Variants in SAMTOR observed in about 807,000 individuals in gnomAD.
SAMTOR encodes UPF0532 protein C7orf60.
the SAMTOR span, among the ~76,000 whole-genome samples, chr7:112,831,218 A>G: frequency 1.3e-5 from 2 of 152,184 alleles, no homozygotes; most frequent in Non-Finnish European, 2.9e-5. Context: ...AGTTCTATCA[A>G]GAGTAAAATG....
At chr7:112,867,730 T>C in the SAMTOR span, among the ~76,000 whole-genome samples, 1 of 152,208 alleles carries the variant, frequency 6.6e-6, no homozygotes, top group Admixed American at 6.5e-5. Flanking sequence ...AAGAACTATA[T>C]TTAAATAAAA....
At chr7:112,931,613 T>A in the SAMTOR span, among the ~76,000 whole-genome samples, 4 of 152,218 alleles carry the variant, frequency 2.6e-5, no homozygotes, top group African/African-American at 9.6e-5. Flanking sequence ...AAAGGATTTA[T>A]GAACAGCCTT....
the SAMTOR span, among the ~76,000 whole-genome samples, chr7:112,899,246 A>G: frequency 2.0e-5 from 3 of 152,178 alleles, no homozygotes; most frequent in Non-Finnish European, 4.4e-5. Context: ...GATTAAAATA[A>G]TTTAAAGAAT....
the SAMTOR span, among the ~76,000 whole-genome samples, chr7:112,870,751 A>T: frequency 5.1e-5 from 6 of 117,168 alleles, no homozygotes; most frequent in South Asian, 5.8e-4. Context: ...AAATTGGATT[A>T]AAAAAAAAAA....
chr7:112,899,381 CAG>C, the SAMTOR span, among the ~76,000 whole-genome samples: 1 of 151,416 alleles, frequency 6.6e-6, no homozygotes, highest in Non-Finnish European at 1.5e-5. Context: ...AATACAGAAT[CAG>C]GGGAGAAAAA....
chr7:112,932,121 T>G, the SAMTOR span, among the ~76,000 whole-genome samples: 1 of 151,978 alleles, frequency 6.6e-6, no homozygotes, highest in Admixed American at 6.6e-5. Context: ...GAGACAGGGT[T>G]TCACCAAGTT....
chr7:112,881,539 A>G, the SAMTOR span, among the ~76,000 whole-genome samples: 1 of 152,200 alleles, frequency 6.6e-6, no homozygotes, highest in Admixed American at 6.5e-5. Context: ...CAGCTGCGGT[A>G]AGGAGCTACC....
the SAMTOR span, chr7:112,939,856 G>C: frequency 1.2e-6 from 1 of 863,318 alleles, no homozygotes; most frequent in South Asian, 1.7e-5. Flanking sequence ...AGCCAGAGGA[G>C]GCAGAGGAAC....
chr7:112,836,962 T>C, the SAMTOR span, among the ~76,000 whole-genome samples: 4 of 152,156 alleles, frequency 2.6e-5, no homozygotes, highest in Admixed American at 6.5e-5. Context: ...TAAACTAGTT[T>C]TTCTTAATTC....
At chr7:112,821,722 A>G in the SAMTOR span, 1 of 1,559,480 alleles carries the variant, frequency 6.4e-7, no homozygotes, top group Non-Finnish European at 8.6e-7. Flanking sequence ...GCCTGGACTG[A>G]AAGGGGCTTT....
At chr7:112,921,966 T>TCTCCCG in the SAMTOR span, among the ~76,000 whole-genome samples, 3,381 of 125,960 alleles carry the variant, frequency 0.027, 129 homozygotes, top group African/African-American at 0.11. Context: ...TCCCTCTCCC[T>TCTCCCG]CTCCCGCTCC....
At chr7:112,877,650 C>T in the SAMTOR span, among the ~76,000 whole-genome samples, 2 of 152,028 alleles carry the variant, frequency 1.3e-5, no homozygotes, top group Non-Finnish European at 2.9e-5. Context: ...GATATTTGTC[C>T]CCATTCAAAT....
the SAMTOR span, among the ~76,000 whole-genome samples, chr7:112,826,610 A>G: frequency 6.6e-6 from 1 of 151,982 alleles, no homozygotes; most frequent in Admixed American, 6.6e-5. Context: ...TATTTTTCTG[A>G]AAGTTTTCTA....
the SAMTOR span, among the ~76,000 whole-genome samples, chr7:112,892,897 G>A: frequency 7.2e-5 from 11 of 152,106 alleles, no homozygotes; most frequent in Admixed American, 5.2e-4. Context: ...ATATATATCA[G>A]AGCTCTTGGG....
chr7:112,920,746 G>A, the SAMTOR span, among the ~76,000 whole-genome samples: 1,580 of 150,000 alleles, frequency 0.011, 32 homozygotes, highest in African/African-American at 0.037. Flanking sequence ...AGCAACTTCC[G>A]CAAAGTCTCA....
the SAMTOR span, among the ~76,000 whole-genome samples, chr7:112,922,894 C>G: frequency 2.8e-5 from 4 of 141,576 alleles, no homozygotes; most frequent in South Asian, 4.7e-4. Flanking sequence ...GGTCAGCCCC[C>G]CCCCCCCGGG....
At chr7:112,865,556 G>C in the SAMTOR span, among the ~76,000 whole-genome samples, 2 of 150,414 alleles carry the variant, frequency 1.3e-5, no homozygotes, top group Non-Finnish European at 3.0e-5. Context: ...GATTGCAGGC[G>C]TGAGCCTCCA....
chr7:112,865,650 CAT>C, the SAMTOR span, among the ~76,000 whole-genome samples: 99 of 136,538 alleles, frequency 7.3e-4, 3 homozygotes, highest in South Asian at 9.4e-3. Flanking sequence ...TACATATATT[CAT>C]ATATATATTT....
At chr7:112,852,805 A>G in the SAMTOR span, among the ~76,000 whole-genome samples, 1 of 152,068 alleles carries the variant, frequency 6.6e-6, no homozygotes, top group African/African-American at 2.4e-5. Context: ...CTCTAACAAG[A>G]ACCTTTCTTA....
Sources: allele counts gnomAD v4.1 joint callset (sites outside exome capture counted in the v4.1 genomes callset), GRCh38; gene constraint gnomAD v4.1.1; transcripts MANE v1.5; gene names NCBI Gene and HGNC (gene_info 2026-07-23, HGNC 2026-07-21).